Variants in SLC10A7 observed in about 807,000 individuals in gnomAD.
SLC10A7 encodes solute carrier family 10 member 7.
SLC10A7 carries 29 observed loss-of-function variants against 43.2 expected under a neutral mutation model. The ratio of observed to expected loss-of-function variants is 0.67; its 90% CI spans 0.50 to 0.92. The LOEUF (loss-of-function observed/expected upper bound fraction) is 0.92. SLC10A7 is among the 40% of genes least tolerant of loss of function. SLC10A7 has a pLI of 0.00. For missense variants in SLC10A7, 295 were observed against 403.2 expected, an observed-to-expected ratio of 0.73 and a Z score of 2.30; for synonymous variants, 152 against 144.8, an observed-to-expected ratio of 1.05 and a Z score of -0.35.
chr4:146,286,028 GAAGGACTGTGTTTGGAGTGGTGAA>G (rs1423387282), intron 9 of SLC10A7, among the ~76,000 whole-genome samples: 12 of 150,140 alleles, frequency 8.0e-5, no homozygotes, highest in East Asian at 5.9e-4. Flanking sequence ...GGAGTGGTGA[GAAGGACTGTGTTTGGAGTGGTGAA>G]AAGGACTGTG....
chr4:146,351,491 T>A (rs1465411618), intron 5 of SLC10A7, among the ~76,000 whole-genome samples: 2 of 149,770 alleles, frequency 1.3e-5, no homozygotes, highest in Non-Finnish European at 3.0e-5. Context: ...ACTTCCCCAA[T>A]CTAGCAAGGC....
intron 5 of SLC10A7, among the ~76,000 whole-genome samples, chr4:146,350,386 C>T (rs1734973767): frequency 9.5e-6 from 1 of 104,766 alleles, no homozygotes; most frequent in South Asian, 3.8e-4. Flanking sequence ...GTCCTACGCC[C>T]ACGGAATCTC....
chr4:146,287,307 A>C (rs1373402500), intron 9 of SLC10A7, among the ~76,000 whole-genome samples: 1 of 152,174 alleles, frequency 6.6e-6, no homozygotes, highest in African/African-American at 2.4e-5. Context: ...TATGATTATA[A>C]AGAGAAAGTG....
At chr4:146,392,146 A>G (rs1173587254) in intron 5 of SLC10A7, among the ~76,000 whole-genome samples, 1 of 152,198 alleles carries the variant, frequency 6.6e-6, no homozygotes, top group Non-Finnish European at 1.5e-5. Flanking sequence ...ATTCATCATG[A>G]CATGCAAAAG....
chr4:146,429,116 A>G (rs919451491), intron 5 of SLC10A7, among the ~76,000 whole-genome samples: 2 of 152,202 alleles, frequency 1.3e-5, no homozygotes, highest in African/African-American at 4.8e-5. Context: ...CACTGTGAAT[A>G]TAAGGCAATA....
chr4:146,503,471 A>G (rs1736604604), intron 4 of SLC10A7, among the ~76,000 whole-genome samples: 1 of 152,156 alleles, frequency 6.6e-6, no homozygotes, highest in Non-Finnish European at 1.5e-5. Context: ...ACTTTTCCCC[A>G]TCAATTTAGT....
intron 4 of SLC10A7, among the ~76,000 whole-genome samples, chr4:146,468,224 C>T (rs1733226655): frequency 6.6e-6 from 1 of 152,088 alleles, no homozygotes; most frequent in African/African-American, 2.4e-5. Context: ...ATCAGTAGCA[C>T]CATAAGCTTA....
intron 4 of SLC10A7, among the ~76,000 whole-genome samples, chr4:146,495,871 A>G (rs1375759115): frequency 6.6e-6 from 1 of 152,034 alleles, no homozygotes; most frequent in African/African-American, 2.4e-5. Context: ...TTTCTTTAAA[A>G]TGTATTTGGA....
At position 146,254,227 on chromosome 4, in the gene SLC10A7, A is replaced by G. The variant is rs1211810421; in HGVS notation, c.*2264T>C. 6.6e-6 allele frequency: 1 copy of G among 152,154 alleles called. No individual in the cohort carries two copies. Among genetic ancestry groups the G allele is most frequent in the Non-Finnish European group, 1.5e-5 (1 of 68,018 alleles). 9.4% of individuals were successfully genotyped at this position (152,154 alleles called of 1,614,324 possible). On this transcript the variant is annotated 3_prime_UTR_variant, in exon 12 of 12. Transcript: ENST00000335472. ...AACATTATTACCCATTAAAAAATCT[A>G]ATTTTGTAACAACCATTAAAAAAAA...
chr4:146,506,151 A>G (rs1736875998), intron 3 of SLC10A7, among the ~76,000 whole-genome samples: 1 of 152,048 alleles, frequency 6.6e-6, no homozygotes, highest in Admixed American at 6.6e-5. Context: ...CAGAATTCTC[A>G]TAGTTTTAAA....
At chr4:146,310,634 A>G (rs1731910338) in intron 6 of SLC10A7, among the ~76,000 whole-genome samples, 1 of 152,008 alleles carries the variant, frequency 6.6e-6, no homozygotes, top group African/African-American at 2.4e-5. Flanking sequence ...TTTGAGAAGC[A>G]GACACTGCTT....
intron 5 of SLC10A7, among the ~76,000 whole-genome samples, chr4:146,366,146 G>A (rs1736376242): frequency 6.6e-6 from 1 of 152,096 alleles, no homozygotes; most frequent in African/African-American, 2.4e-5. Flanking sequence ...CGGTCTAACT[G>A]GTGCCAAAAA....
intron 4 of SLC10A7, among the ~76,000 whole-genome samples, chr4:146,474,041 C>G (rs538418031): frequency 2.3e-4 from 35 of 151,782 alleles, no homozygotes; most frequent in African/African-American, 8.2e-4. Context: ...CCCATACATG[C>G]CAGAGAGGGT....
At chr4:146,475,136 G>T (rs1733915117) in intron 4 of SLC10A7, among the ~76,000 whole-genome samples, 1 of 152,102 alleles carries the variant, frequency 6.6e-6, no homozygotes, top group African/African-American at 2.4e-5. Flanking sequence ...CGTTAAAATA[G>T]ATGCCATTTT....
chr4:146,271,983 A>G (rs934163314), intron 10 of SLC10A7, among the ~76,000 whole-genome samples: 1 of 151,800 alleles, frequency 6.6e-6, no homozygotes, highest in African/African-American at 2.4e-5. Context: ...CTTTTTCTCC[A>G]TTGCTTACCA....
intron 6 of SLC10A7, among the ~76,000 whole-genome samples, chr4:146,307,212 A>G (rs1425156962): frequency 1.3e-5 from 2 of 151,784 alleles, no homozygotes; most frequent in African/African-American, 4.8e-5. Context: ...CAAAATGCCA[A>G]GAATATATAT....
intron 5 of SLC10A7, among the ~76,000 whole-genome samples, chr4:146,409,462 A>C (rs1314689041): frequency 6.6e-6 from 1 of 150,696 alleles, no homozygotes; most frequent in Non-Finnish European, 1.5e-5. Flanking sequence ...AAGGGCTGGG[A>C]GGGAGGGGGA....
intron 4 of SLC10A7, among the ~76,000 whole-genome samples, chr4:146,453,372 C>T (rs1731766298): frequency 6.6e-6 from 1 of 151,886 alleles, no homozygotes; most frequent in Non-Finnish European, 1.5e-5. Context: ...GGGAATGACA[C>T]CAGAGAGAGC....
intron 4 of SLC10A7, among the ~76,000 whole-genome samples, chr4:146,498,247 A>G (rs1431623099): frequency 6.6e-6 from 1 of 151,964 alleles, no homozygotes; most frequent in Non-Finnish European, 1.5e-5. Flanking sequence ...CCTCCCGAGT[A>G]GCTGGGATTA....
Sources: allele counts gnomAD v4.1 joint callset (sites outside exome capture counted in the v4.1 genomes callset), GRCh38; gene constraint gnomAD v4.1.1; transcripts MANE v1.5; gene names NCBI Gene and HGNC (gene_info 2026-07-23, HGNC 2026-07-21).